KMT5C: variants seen among roughly 807,000 people sequenced by gnomAD.
The protein encoded by KMT5C is lysine methyltransferase 5C, also known as histone-lysine N-methyltransferase KMT5C.
A neutral mutation model predicts 38.2 loss-of-function variants in KMT5C; 16 were observed. That is an observed-to-expected ratio of 0.42 (90% CI 0.28 to 0.64). KMT5C has a LOEUF of 0.64. Ranked by LOEUF, KMT5C falls within the 30% of genes least tolerant of loss-of-function variation. KMT5C has a pLI of 0.23. For synonymous variants in KMT5C, 291 were observed against 279.0 expected (o/e 1.04, Z -0.43); for missense variants, 598 against 665.1 (o/e 0.90, Z 1.11).
rs778262454 is a variant in KMT5C, at chr19:55,342,231, C to T, written c.127C>T (p.Arg43Trp). 26 of 1,609,618 alleles carry T rather than the reference C, an allele frequency of 1.6e-5. No homozygotes were observed. Among genetic ancestry groups the T allele is most frequent in the Non-Finnish European group, 2.2e-5 (26 of 1,178,758 alleles). Residue 43 changes from arginine (R) to tryptophan (W), a missense_variant, in exon 3 of 9, where the codon CGG becomes TGG. Arg to Trp is a moderately radical substitution (Grantham distance 101, BLOSUM62 -3). This residue lies in a region of KMT5C where 167 missense variants were observed against 187.8 expected (regional missense o/e 0.89). Transcript: ENST00000255613. ...KMNVSPVPPL[R>W]RQQHLRSALE... ...CTCCCCCAGCCCTGTGCCCCCCCTG[C>T]GGCGACAGCAGCACCTGCGCTCAGC...
At chr19:55,342,710 C>G in intron 3 of KMT5C, 32 bp from the exon 4 acceptor site, 1 of 1,231,044 alleles carries the variant, frequency 8.1e-7, no homozygotes, top group Non-Finnish European at 1.2e-6. Context: ...GCCCCTGCCC[C>G]GCCTCCTCAC....
Position 55,342,348 on chromosome 19 carries a change from G to C in KMT5C, c.244G>C (p.Gly82Arg). The change falls in exon 3 of 9, where the codon GGC (glycine) becomes CGC (arginine). Residue 82 changes from glycine to arginine, a missense_variant. By Grantham distance (125) the Gly-to-Arg change is moderately radical. Around this residue, in one of 3 missense-constraint regions of KMT5C, gnomAD observed 167 missense variants for 187.8 expected, o/e 0.89. Coordinates refer to ENST00000255613, the MANE Select transcript of KMT5C (RefSeq NM_032701.4). ...GWTARYFQSR[G>R]PRQEAALKTH... ...GACGGCCCGCTACTTCCAGAGCCGG[G>C]GCCCGCGGCAGGAGGCTGCCCTCAA... is the stretch of plus-strand genomic sequence containing the variant. 1 of 1,547,478 alleles carries C rather than the reference G, an allele frequency of 6.5e-7. No individual in the cohort carries two copies. The highest frequency in any genetic ancestry group is 1.8e-4 in the Middle Eastern group (1 of 5,602).
intron 8 of KMT5C, 91 bp from the exon 9 acceptor site, chr19:55,346,865 C>T: frequency 1.5e-6 from 1 of 654,770 alleles, no homozygotes; most frequent in East Asian, 3.4e-5. Flanking sequence ...CAGGGCAGGG[C>T]TGCCTCCTTG....
In KMT5C at chr19:55,341,346, A is replaced by G. The variant is rs540104349; in HGVS notation, c.-143-448A>G. 9.0e-4 allele frequency among the ~76,000 whole-genome samples: 133 copies of G among 148,518 alleles called. 2 individuals carry two copies. Among genetic ancestry groups the G allele is most frequent in the African/African-American group, 3.1e-3 (127 of 40,402 alleles). On this transcript the variant is annotated intron_variant, in intron 1 of 8. Coordinates refer to ENST00000255613, the MANE Select transcript of KMT5C (RefSeq NM_032701.4). ...GGGCTTCACCCGGAGCCTCCTGACC[A>G]CTCCCGAAGGCTGCCGGGGAGGCAG...
Position 55,346,595 on chromosome 19 carries a change from T to A in KMT5C, c.803T>A (p.Leu268Gln). 1 of 1,578,760 alleles carries A rather than the reference T, an allele frequency of 6.3e-7. No homozygotes were observed. The highest frequency in any genetic ancestry group is 8.6e-7 in the Non-Finnish European group (1 of 1,163,128). The stretch of plus-strand genomic sequence containing the variant: ...CAGCTGCGTGAGACCAAGCGGCGGC[T>A]GCAGCAAGGCCTGGACAGTGGCAGC... ...KYQLRETKRR[L>Q]QQGLDSGSRQ... is the part of the protein sequence containing the mutation. The change falls in exon 8 of 9, where the codon CTG (leucine) becomes CAG (glutamine). Residue 268 changes from leucine (L) to glutamine (Q), a missense_variant. Around this residue, in one of 3 missense-constraint regions of KMT5C, gnomAD observed 326 missense variants for 298.1 expected, o/e 1.09. Transcript: ENST00000255613.
chr19:55,343,446 G>A lies in KMT5C; in HGVS notation c.387-234G>A, dbSNP rs934685650. 1.2e-5 allele frequency: 7 copies of A among 579,050 alleles called. No homozygotes were observed. Among genetic ancestry groups the A allele is most frequent in the Admixed American group, 9.0e-5 (3 of 33,278 alleles). 35.9% of individuals were successfully genotyped at this position (579,050 alleles called of 1,614,324 possible). ...AATGGGGGCTGTATCTGCTGTGTGC[G>A]TGCTGCCCTGAAGGCTTTCAGTAGA... is the stretch of plus-strand genomic sequence containing the variant. On this transcript the variant is annotated intron_variant, in intron 4 of 8. Coordinates refer to ENST00000255613, the MANE Select transcript of KMT5C (RefSeq NM_032701.4). This position sits in a 1 kb window ranked among gnomAD's most constrained non-coding sequence, Gnocchi z 5.5.
intron 1 of KMT5C, among the ~76,000 whole-genome samples, chr19:55,341,342 G>C (rs1600260429): frequency 2.0e-5 from 3 of 152,006 alleles, no homozygotes; most frequent in African/African-American, 7.2e-5. Context: ...GGAGCCTCCT[G>C]ACCACTCCCG....
At chr19:55,346,085 T>G in intron 6 of KMT5C, 128 bp from the exon 7 acceptor site, 3 of 1,157,396 alleles carry the variant, frequency 2.6e-6, no homozygotes, top group Non-Finnish European at 3.7e-6. Flanking sequence ...AATGCCACTT[T>G]TAGGGGCTCA....
At chr19:55,341,718 CT>C (rs1660606740) in intron 1 of KMT5C, 75 bp from the exon 2 acceptor site, 1 of 579,918 alleles carries the variant, frequency 1.7e-6, no homozygotes, top group Non-Finnish European at 3.1e-6. Flanking sequence ...TTTCCCTACT[CT>C]CAGAAGTACT....
rs2089642148 is a variant in KMT5C, at chr19:55,348,036, C to T, written c.*587C>T. On this transcript the variant is annotated 3_prime_UTR_variant, in exon 9 of 9. Coordinates refer to ENST00000255613, the MANE Select transcript of KMT5C (RefSeq NM_032701.4). ...GTGCTATTGGGGTGGGGAGCTCCCT[C>T]CCCTCCCCCACACCAGAAAGGGGTA... 6.5e-6 allele frequency: 1 copy of T among 152,830 alleles called. No homozygotes were observed. Among genetic ancestry groups the T allele is most frequent in the Non-Finnish European group, 1.5e-5 (1 of 68,164 alleles). The allele number at this position is 152,830 out of a possible 1,614,324, so 9.5% of individuals were successfully genotyped here. A position where few individuals can be genotyped will look rare whatever the true frequency, so the allele number is the denominator to read the frequency against.
At chr19:55,342,584 C>A (rs956429446) in intron 3 of KMT5C, 158 bp from the exon 4 acceptor site, 2 of 642,572 alleles carry the variant, frequency 3.1e-6, no homozygotes, top group African/African-American at 3.6e-5. Context: ...AGTCCAACCT[C>A]TTCATTTGAC....
chr19:55,347,355 C>A lies in KMT5C; in HGVS notation c.1295C>A (p.Ala432Asp). 6.3e-7 allele frequency: 1 copy of A among 1,579,556 alleles called. No individual in the cohort carries two copies. Among genetic ancestry groups the A allele is most frequent in the Admixed American group, 1.8e-5 (1 of 56,214 alleles). The change falls in exon 9 of 9, where the codon GCC (alanine) becomes GAC (aspartate). Residue 432 changes from alanine to aspartate, a missense_variant. Around this residue, in one of 3 missense-constraint regions of KMT5C, gnomAD observed 326 missense variants for 298.1 expected, o/e 1.09. Coordinates refer to ENST00000255613, the MANE Select transcript of KMT5C (RefSeq NM_032701.4). The surrounding 1 kb of genome is among the most constrained non-coding windows in gnomAD (Gnocchi z 4.6). ...GGCCCCATCCTGATCCCGAAGCAGGCCCTCGCCTTCGCCCCCTTCTCCCCA... is the reference window on the plus strand; with the variant it reads ...GGCCCCATCCTGATCCCGAAGCAGGACCTCGCCTTCGCCCCCTTCTCCCCA... Reference protein sequence around the residue: ...TPGPILIPKQALAFAPFSPPK... With the variant: ...TPGPILIPKQDLAFAPFSPPK...
At position 55,347,031 on chromosome 19, in the gene KMT5C, C is replaced by T. The variant is rs2089627745; in HGVS notation, c.971C>T (p.Pro324Leu). Residue 324 changes from proline (P) to leucine (L), a missense_variant, in exon 9 of 9, where the codon CCT becomes CTT. Pro to Leu is a moderately conservative substitution (Grantham distance 98, BLOSUM62 -3). Coordinates refer to ENST00000255613, the MANE Select transcript of KMT5C (RefSeq NM_032701.4). This position sits in a 1 kb window ranked among gnomAD's most constrained non-coding sequence, Gnocchi z 4.6. The part of the protein sequence containing the change: ...DTSPLWLQWL[P>L]QPQPRVRPRK... ...TCACCCCTCTGGCTCCAGTGGCTGC[C>T]TCAGCCCCAGCCCCGAGTGCGGCCC... 4 of 1,507,254 alleles carry T rather than the reference C, an allele frequency of 2.7e-6. No individual in the cohort carries two copies. In the African/African-American group the frequency reaches 5.5e-5, roughly 21 times the overall value. 93.4% of individuals were successfully genotyped at this position (1,507,254 alleles called of 1,614,324 possible). A position where few individuals can be genotyped will look rare whatever the true frequency, so the allele number is the denominator to read the frequency against.
In KMT5C at chr19:55,347,349, A is replaced by C. The variant is rs1037317572; in HGVS notation, c.1289A>C (p.Lys430Thr). 8 of 1,579,460 alleles carry C rather than the reference A, an allele frequency of 5.1e-6. No homozygotes were observed. Among genetic ancestry groups the C allele is most frequent in the Non-Finnish European group, 6.9e-6 (8 of 1,166,910 alleles). The part of the protein sequence containing the change: ...AGTPGPILIP[K>T]QALAFAPFSP... ...ACCCCAGGCCCCATCCTGATCCCGA[A>C]GCAGGCCCTCGCCTTCGCCCCCTTC... The change falls in exon 9 of 9, where the codon AAG becomes ACG. Residue 430 changes from lysine (K) to threonine (T), a missense_variant. By Grantham distance (78) the Lys-to-Thr change is moderately conservative. Coordinates refer to ENST00000255613, the MANE Select transcript of KMT5C (RefSeq NM_032701.4). The surrounding 1 kb of genome is among the most constrained non-coding windows in gnomAD (Gnocchi z 4.6).
Position 55,347,172 on chromosome 19 carries a change from AGGCCCTGGT to A in KMT5C, c.1121_1129del (p.Val374_Leu376del). On this transcript the variant is annotated inframe_deletion, in exon 9 of 9. Transcript: ENST00000255613. This position sits in a 1 kb window ranked among gnomAD's most constrained non-coding sequence, Gnocchi z 4.6. Reference sequence around the variant, plus strand: ...GGCCCCCACTGCCGCCTGCGAGGAGAGGCCCTGGTGGCCCTGGGCCAGCCCCCCCACGCC... The same window carrying A: ...GGCCCCCACTGCCGCCTGCGAGGAGAGGCCCTGGGCCAGCCCCCCCACGCC... 2 of 1,536,636 alleles carry A rather than the reference AGGCCCTGGT, an allele frequency of 1.3e-6. No homozygotes were observed. The highest frequency in any genetic ancestry group is 1.7e-6 in the Non-Finnish European group (2 of 1,146,750).
chr19:55,342,160 G>T, intron 2 of KMT5C, 55 bp from the exon 3 acceptor site: 3 of 1,593,736 alleles, frequency 1.9e-6, no homozygotes, highest in Non-Finnish European at 2.6e-6. Flanking sequence ...TCCAAGTGGG[G>T]GTTGGGGCCG....
Position 55,342,275 on chromosome 19 carries a change from G to T in KMT5C, c.171G>T (p.Arg57Ser), listed in dbSNP as rs1345062297. Residue 57 changes from arginine (R) to serine (S), a missense_variant, in exon 3 of 9, where the codon AGG becomes AGT. Coordinates refer to ENST00000255613, the MANE Select transcript of KMT5C (RefSeq NM_032701.4). ...GCTCAGCGCTGGAAACTTTCCTGAGGCAGCGGGACCTGGAGGCTGCGTACC... is the reference window on the plus strand; with the variant it reads ...GCTCAGCGCTGGAAACTTTCCTGAGTCAGCGGGACCTGGAGGCTGCGTACC... ...HLRSALETFL[R>S]QRDLEAAYRA... 12 of 1,607,140 alleles carry T rather than the reference G, an allele frequency of 7.5e-6. No homozygotes were observed. The highest frequency in any genetic ancestry group is 8.5e-6 in the Non-Finnish European group (10 of 1,177,774).
Position 55,346,973 on chromosome 19 carries a change from C to G in KMT5C, c.913C>G (p.Arg305Gly). The change falls in exon 9 of 9, where the codon CGC becomes GGC. Residue 305 changes from arginine to glycine, a missense_variant. Physicochemically the swap from Arg to Gly is moderately radical, Grantham distance 125 (BLOSUM62 -2). Coordinates refer to ENST00000255613, the MANE Select transcript of KMT5C (RefSeq NM_032701.4). ...DPFCAACQPL[R>G]LPACSARPDT... Reference sequence around the variant, plus strand: ...CTTCACAGCCGCCTGCCAGCCCCTGCGCCTGCCAGCCTGCAGCGCCCGCCC... The same window carrying G: ...CTTCACAGCCGCCTGCCAGCCCCTGGGCCTGCCAGCCTGCAGCGCCCGCCC... The G allele has an allele frequency of 9.5e-7, 1 of 1,050,834 alleles. No individual in the cohort carries two copies. Among genetic ancestry groups the G allele is most frequent in the South Asian group, 1.3e-5 (1 of 79,550 alleles). 65.1% of individuals were successfully genotyped at this position (1,050,834 alleles called of 1,614,324 possible). A position where few individuals can be genotyped will look rare whatever the true frequency, so the allele number is the denominator to read the frequency against.
At chr19:55,346,866 T>C (rs1486496217) in intron 8 of KMT5C, 90 bp from the exon 9 acceptor site, 3 of 659,226 alleles carry the variant, frequency 4.6e-6, no homozygotes, top group Admixed American at 2.3e-5. Flanking sequence ...AGGGCAGGGC[T>C]GCCTCCTTGT....
Sources: gnomAD v4.1 joint callset for allele counts (sites outside exome capture counted in the v4.1 genomes callset) on GRCh38, gnomAD v4.1.1 for gene constraint, gnomAD v4.1.1 regional missense constraint, Gnocchi (gnomAD v3.1) non-coding constraint, MANE v1.5 for transcripts, NCBI Gene and HGNC (gene_info 2026-07-23, HGNC 2026-07-21) for gene names.